ARAP2: variants seen among roughly 807,000 people sequenced by gnomAD.
The protein encoded by ARAP2 is ArfGAP with RhoGAP domain, ankyrin repeat and PH domain 2.
In ARAP2, 148 loss-of-function variants were observed where a neutral mutation model predicts 194.5. That is an observed-to-expected ratio of 0.76 (90% confidence interval 0.67 to 0.87). The LOEUF (loss-of-function observed/expected upper bound fraction) is 0.87. ARAP2 is among the 40% of genes least tolerant of loss of function. The pLI is 0.00. For synonymous variants in ARAP2, 695 were observed against 683.5 expected (o/e 1.02, Z -0.26); for missense variants, 2,128 against 1,989.7 (o/e 1.07, Z -1.32).
At chr4:36,204,437 G>A (rs1745089548) in intron 6 of ARAP2, among the ~76,000 whole-genome samples, 1 of 152,238 alleles carries the variant, frequency 6.6e-6, no homozygotes, top group Non-Finnish European at 1.5e-5. Flanking sequence ...CTTTTCTCAG[G>A]AAGCTTCAAA....
chr4:36,039,760 A>C (rs1720527205), intron 5 of ARAP2, among the ~76,000 whole-genome samples: 1 of 152,134 alleles, frequency 6.6e-6, no homozygotes, highest in Non-Finnish European at 1.5e-5. Flanking sequence ...CACTGTGATA[A>C]AGGAGGATCA....
chr4:36,213,249 A>C lies in ARAP2; in HGVS notation c.1035T>G (p.Asn345Lys), dbSNP rs773215465. 6.3e-7 allele frequency: 1 copy of C among 1,598,090 alleles called. No homozygotes were observed. Among genetic ancestry groups the C allele is most frequent in the East Asian group, 2.2e-5 (1 of 44,632 alleles). Residue 345 changes from asparagine to lysine, a missense_variant, in exon 4 of 33, where the codon AAT becomes AAG. Asn to Lys is a moderately conservative substitution (Grantham distance 94). Transcript: ENST00000303965. ...GETFLFQRLE[N>K]SKKRSIKNEF... ...TAAAATGTATGGGACTAACCTTGGAATTTTCTAGTCTCTGGAAGAGAAAGG... is the reference window on the plus strand; with the variant it reads ...TAAAATGTATGGGACTAACCTTGGACTTTTCTAGTCTCTGGAAGAGAAAGG...
chr4:36,047,919 T>C (rs947172935), intron 3 of ARAP2, among the ~76,000 whole-genome samples: 1 of 152,232 alleles, frequency 6.6e-6, no homozygotes, highest in Non-Finnish European at 1.5e-5. Context: ...AATCCTGATA[T>C]GCAGTCAGAA....
In ARAP2 at chr4:36,028,326, C is replaced by T. The variant is rs61795342; in HGVS notation, n.608-9040G>A. ...TCTATGAAAGGAACTAAATATGGTG[C>T]TATTTCAAGTAGAGTTCCTTTTTAA... On this transcript the variant is annotated intron_variant and non_coding_transcript_variant, in intron 5 of 12. Coordinates refer to the ARAP2 transcript ENST00000503225. 7.0e-3 allele frequency among the ~76,000 whole-genome samples: 1,065 copies of T among 152,096 alleles called. 8 individuals carry two copies. Among genetic ancestry groups the T allele is most frequent in the Middle Eastern group, 0.014 (4 of 294 alleles).
intron 16 of ARAP2, among the ~76,000 whole-genome samples, chr4:36,150,244 A>G (rs1196092792): frequency 6.6e-6 from 1 of 152,206 alleles, no homozygotes; most frequent in Non-Finnish European, 1.5e-5. Flanking sequence ...TGTTTTAATT[A>G]TGATACTCAT....
intron 9 of ARAP2, among the ~76,000 whole-genome samples, chr4:36,170,485 T>C (rs1041116628): frequency 2.0e-5 from 3 of 152,146 alleles, no homozygotes; most frequent in Non-Finnish European, 2.9e-5. Flanking sequence ...AATCAGAACA[T>C]ACAAAAACCA....
rs1735446360 is a variant in ARAP2 at position 36,167,064 on chromosome 4, CAT to C, written c.1858-19_1858-18del. 11 of 1,345,310 alleles carry C rather than the reference CAT, an allele frequency of 8.2e-6. No homozygotes were observed. Among genetic ancestry groups the C allele is most frequent in the Non-Finnish European group, 1.0e-5 (10 of 977,738 alleles). 83.3% of individuals were successfully genotyped at this position (1,345,310 alleles called of 1,614,324 possible). On this transcript the variant is annotated intron_variant, in intron 9 of 32. Transcript: ENST00000303965. ...CTTAAAATCCTAGTTTGGAGAAAAA[CAT>C]AAAAAACTATAAAGAAACAAAAAAA... is the stretch of plus-strand genomic sequence containing the variant.
rs557514796 is a variant in ARAP2, at chr4:36,127,395, GGTA to G, written c.3640+1135_3640+1137del. Among the ~76,000 whole-genome samples, 360 of 152,080 alleles carry G rather than the reference GGTA, an allele frequency of 2.4e-3. 3 individuals carry two copies. The highest frequency in any genetic ancestry group is 8.2e-3 in the African/African-American group (342 of 41,530). On this transcript the variant is annotated intron_variant, in intron 21 of 32. Coordinates refer to ENST00000303965, the MANE Select transcript of ARAP2 (RefSeq NM_015230.4). ...GAAGGCAAATGAAAGACTTCTGAAA[GGTA>G]GTTATATCGTGAGAAGCTTTATTTT...
At chr4:36,218,011 C>T (rs1191632631) in intron 2 of ARAP2, among the ~76,000 whole-genome samples, 1 of 151,626 alleles carries the variant, frequency 6.6e-6, no homozygotes, top group Non-Finnish European at 1.5e-5. Context: ...AAACAAAGGA[C>T]CAATAATGAC....
In ARAP2 at chr4:36,073,835, C is replaced by A. The variant is rs1270388396; in HGVS notation, c.4609-12G>T. On this transcript the variant is annotated splice_polypyrimidine_tract_variant and intron_variant, in intron 31 of 32. Transcript: ENST00000303965. ...ATATCATATTCATGCTGTGGAAACA[C>A]AATTTCTTGCTGTTGGTGTGTGATT... 7 of 1,611,996 alleles carry A rather than the reference C, an allele frequency of 4.3e-6. No individual in the cohort carries two copies. The highest frequency in any genetic ancestry group is 5.9e-6 in the Non-Finnish European group (7 of 1,178,578).
chr4:36,010,243 G>T (rs768961695), intron 9 of ARAP2, among the ~76,000 whole-genome samples: 6 of 150,932 alleles, frequency 4.0e-5, no homozygotes, highest in Non-Finnish European at 5.9e-5. Context: ...ACTGATATAG[G>T]TGAGCATTTT....
chr4:36,069,830 G>C (rs1726387954), intron 32 of ARAP2, among the ~76,000 whole-genome samples: 1 of 152,052 alleles, frequency 6.6e-6, no homozygotes, highest in African/African-American at 2.4e-5. Context: ...ACTGAATCGT[G>C]GGGGTGGGGT....
chr4:36,063,402 A>G (rs1347998699), downstream of ARAP2, among the ~76,000 whole-genome samples: 1 of 151,928 alleles, frequency 6.6e-6, no homozygotes, highest in African/African-American at 2.4e-5. Context: ...ACACACGTAT[A>G]CCTATGTAAC....
In ARAP2 at chr4:36,193,609, C is replaced by A; in HGVS notation, c.1526G>T (p.Gly509Val). The A allele has an allele frequency of 6.3e-7, 1 of 1,597,724 alleles. No homozygotes were observed. Among genetic ancestry groups the A allele is most frequent in the Non-Finnish European group, 8.5e-7 (1 of 1,172,860 alleles). ...MFQKRWVKFD[G>V]LSISYYNNEK... ...ATTATTGTAGTAAGAAATGCTAAGG[C>A]CATCAAATTTCACCCATCTCTTTTG... The change falls in exon 7 of 33, where the codon GGC (glycine) becomes GTC (valine). Residue 509 changes from glycine (G) to valine (V), a missense_variant. By Grantham distance (109) the Gly-to-Val change is moderately radical (BLOSUM62 -3). Transcript: ENST00000303965.
intron 3 of ARAP2, among the ~76,000 whole-genome samples, chr4:36,047,795 T>C (rs1283061039): frequency 6.6e-6 from 1 of 152,180 alleles, no homozygotes; most frequent in East Asian, 1.9e-4. Context: ...ATTTCATTAG[T>C]ATTCTTATTA....
intron 6 of ARAP2, among the ~76,000 whole-genome samples, chr4:36,017,140 G>A (rs911866318): frequency 3.3e-5 from 5 of 151,460 alleles, no homozygotes; most frequent in African/African-American, 9.7e-5. Flanking sequence ...TAATTTTCAT[G>A]AAACTCATAT....
intron 5 of ARAP2, among the ~76,000 whole-genome samples, chr4:36,029,837 T>C (rs972268969): frequency 1.3e-5 from 2 of 152,074 alleles, no homozygotes; most frequent in African/African-American, 4.8e-5. Flanking sequence ...CAGTTTACAA[T>C]CTACTCACTG....
intron 22 of ARAP2, among the ~76,000 whole-genome samples, chr4:36,123,646 G>C (rs1246506274): frequency 1.3e-5 from 2 of 151,586 alleles, no homozygotes; most frequent in African/African-American, 4.8e-5. Flanking sequence ...CTGTTTCCTA[G>C]TTAGTTTATC....
chr4:36,147,766 A>C lies in ARAP2; in HGVS notation c.3001-20T>G, dbSNP rs1282196069. ...AAAATGCTGTTAAAACAAATACAAAAAAGTAATAAAGACAGTGAAAATAGG... is the reference window on the plus strand; with the variant it reads ...AAAATGCTGTTAAAACAAATACAAACAAGTAATAAAGACAGTGAAAATAGG... On this transcript the variant is annotated intron_variant, in intron 17 of 32. Coordinates refer to ENST00000303965, the MANE Select transcript of ARAP2 (RefSeq NM_015230.4). 6.4e-7 allele frequency: 1 copy of C among 1,570,922 alleles called. No individual in the cohort carries two copies. The highest frequency in any genetic ancestry group is 8.6e-7 in the Non-Finnish European group (1 of 1,157,308).
Sources: gnomAD v4.1 joint callset for allele counts (sites outside exome capture counted in the v4.1 genomes callset) on GRCh38, gnomAD v4.1.1 for gene constraint, MANE v1.5 for transcripts, NCBI Gene and HGNC (gene_info 2026-07-23, HGNC 2026-07-21) for gene names.